The following ENOX1 variants were observed in gnomAD, a reference collection of about 807,000 sequenced individuals.
ENOX1 encodes ecto-NOX disulfide-thiol exchanger 1, also known as candidate growth-related and time keeping constitutive hydroquinone (NADH) oxidase.
ENOX1 carries 42 observed loss-of-function variants against 82.5 expected under a neutral mutation model. The observed-to-expected ratio is 0.51, with a 90% CI of 0.40 to 0.66. The LOEUF (loss-of-function observed/expected upper bound fraction) is 0.66, where lower values mean the gene tolerates loss of function less well. Among genes scored for constraint, ENOX1 ranks in the 30% least tolerant of loss-of-function variants. ENOX1 has a pLI of 0.00. For missense variants in ENOX1, 608 were observed against 811.6 expected (o/e 0.75, Z 3.05); for synonymous variants, 271 against 282.2 (o/e 0.96, Z 0.40).
At chr13:43,655,773 G>C (rs1385953111) in intron 2 of ENOX1, among the ~76,000 whole-genome samples, 1 of 152,160 alleles carries the variant, frequency 6.6e-6, no homozygotes, top group African/African-American at 2.4e-5. Context: ...CTGTTCTCCA[G>C]ATAGCAGGAC....
intron 1 of ENOX1, among the ~76,000 whole-genome samples, chr13:43,687,049 T>C (rs1054519694): frequency 6.6e-6 from 1 of 152,198 alleles, no homozygotes; most frequent in Admixed American, 6.5e-5. Context: ...AACGACGGAA[T>C]TTGATTCCTC....
chr13:43,420,442 A>G (rs986981887), intron 3 of ENOX1, among the ~76,000 whole-genome samples: 1 of 152,224 alleles, frequency 6.6e-6, no homozygotes. Flanking sequence ...TGATTATTGT[A>G]GTGGGTTACT....
chr13:43,358,704 G>C (rs557473317), intron 7 of ENOX1, among the ~76,000 whole-genome samples: 1 of 152,300 alleles, frequency 6.6e-6, no homozygotes, highest in South Asian at 2.1e-4. Flanking sequence ...ACGAGGTCAT[G>C]CTGTTACTAT....
intron 2 of ENOX1, among the ~76,000 whole-genome samples, chr13:43,614,020 C>T (rs917744620): frequency 1.3e-4 from 20 of 152,140 alleles, no homozygotes; most frequent in African/African-American, 4.6e-4. Context: ...TGTCAGCTGT[C>T]CTAGGAATGC....
At chr13:43,628,360 C>G (rs1424801776) in intron 2 of ENOX1, among the ~76,000 whole-genome samples, 2 of 152,158 alleles carry the variant, frequency 1.3e-5, no homozygotes, top group East Asian at 1.9e-4. Context: ...GTTATTGATG[C>G]CTTCCTTTCT....
intron 2 of ENOX1, among the ~76,000 whole-genome samples, chr13:43,612,469 C>T (rs74772686): frequency 0.011 from 1,696 of 152,186 alleles, 22 homozygotes; most frequent in African/African-American, 0.033. Flanking sequence ...ATAGAAGCAA[C>T]ATCTTTGTTG....
intron 1 of ENOX1, among the ~76,000 whole-genome samples, chr13:43,749,025 T>G (rs982646472): frequency 6.6e-6 from 1 of 152,146 alleles, no homozygotes; most frequent in Non-Finnish European, 1.5e-5. Context: ...TGCCATAGGG[T>G]TGTTATGAAG....
At chr13:43,519,013 A>T (rs2077660811) in intron 2 of ENOX1, among the ~76,000 whole-genome samples, 2 of 152,190 alleles carry the variant, frequency 1.3e-5, no homozygotes, top group African/African-American at 4.8e-5. Context: ...CCATGTCAAG[A>T]GTCCTTAGCA....
Position 43,582,400 on chromosome 13 carries a change from A to G in ENOX1, c.-219+85079T>C, listed in dbSNP as rs1304632685. ...CTACAGAAAGCAGAAAAAGTAATAAATATACAGAAATATAAATTAACTGAA... is the reference window on the plus strand; with the variant it reads ...CTACAGAAAGCAGAAAAAGTAATAAGTATACAGAAATATAAATTAACTGAA... On this transcript the variant is annotated intron_variant, in intron 2 of 16. Transcript: ENST00000690772. Among the ~76,000 whole-genome samples, 3 of 152,182 alleles carry G rather than the reference A, an allele frequency of 2.0e-5. No individual in the cohort carries two copies. In the East Asian group the frequency reaches 5.8e-4, roughly 29 times the overall value.
chr13:43,740,641 T>C (rs2089862620), intron 1 of ENOX1, among the ~76,000 whole-genome samples: 1 of 152,000 alleles, frequency 6.6e-6, no homozygotes, highest in South Asian at 2.1e-4. Flanking sequence ...CTACCCTCCA[T>C]CCTTGTTACT....
intron 3 of ENOX1, among the ~76,000 whole-genome samples, chr13:43,444,534 T>A (rs1404119009): frequency 6.6e-6 from 1 of 152,198 alleles, no homozygotes; most frequent in African/African-American, 2.4e-5. Flanking sequence ...CAAATGAAGA[T>A]GGCCGGTAAA....
intron 14 of ENOX1, among the ~76,000 whole-genome samples, chr13:43,248,034 C>T (rs1189053849): frequency 1.6e-4 from 23 of 148,010 alleles, no homozygotes; most frequent in Admixed American, 1.5e-3. Flanking sequence ...TACAGGCGCC[C>T]GCCACTACGC....
At chr13:43,470,341 CG>C (rs2057975903) in intron 3 of ENOX1, among the ~76,000 whole-genome samples, 2 of 8,048 alleles carry the variant, frequency 2.5e-4, no homozygotes, top group Non-Finnish European at 4.7e-4. Flanking sequence ...TATATATATA[CG>C]TATATATATA....
intron 1 of ENOX1, among the ~76,000 whole-genome samples, chr13:43,714,043 G>T (rs1271832248): frequency 7.1e-6 from 1 of 140,878 alleles, no homozygotes; most frequent in Non-Finnish European, 1.5e-5. Context: ...TTTCTCTTGT[G>T]GGCATTTAGT....
At chr13:43,252,297 GA>G (rs951465233) in intron 14 of ENOX1, among the ~76,000 whole-genome samples, 8 of 151,204 alleles carry the variant, frequency 5.3e-5, no homozygotes, top group African/African-American at 9.7e-5. Context: ...GTTTTTCTTG[GA>G]AAAAAAAATT....
intron 3 of ENOX1, among the ~76,000 whole-genome samples, chr13:43,437,291 A>G: frequency 6.6e-6 from 1 of 152,276 alleles, no homozygotes; most frequent in Non-Finnish European, 1.5e-5. Context: ...TTTCAGCCTG[A>G]CGTGGTGATG....
chr13:43,544,700 T>G (rs1188707697), intron 2 of ENOX1: 1 of 152,096 alleles, frequency 6.6e-6, no homozygotes, highest in Non-Finnish European at 1.5e-5. Context: ...GAACCGCCTA[T>G]CTCCCAAATG....
rs2153446678 is a variant in ENOX1, at chr13:43,213,429, T to C, written c.*561A>G. The C allele has an allele frequency of 6.6e-6, 1 of 152,224 alleles. No homozygotes were observed. Among genetic ancestry groups the C allele is most frequent in the South Asian group, 2.1e-4 (1 of 4,818 alleles). The allele number at this position is 152,224 out of a possible 1,614,324, so 9.4% of individuals were successfully genotyped here. A position where few individuals can be genotyped will look rare whatever the true frequency, so the allele number is the denominator to read the frequency against. ...TAAGGCAAAAGTCCCTGGAACAGCA[T>C]ATAACTTAATTTACAAAATACAATA... is the stretch of plus-strand genomic sequence containing the variant. On this transcript the variant is annotated 3_prime_UTR_variant, in exon 17 of 17. Transcript: ENST00000690772.
intron 1 of ENOX1, among the ~76,000 whole-genome samples, chr13:43,772,281 T>TA: frequency 6.6e-6 from 1 of 152,160 alleles, no homozygotes; most frequent in African/African-American, 2.4e-5. Context: ...GAAGATAATC[T>TA]AAAATAAACA....
Sources: gnomAD v4.1 joint callset for allele counts (sites outside exome capture counted in the v4.1 genomes callset) on GRCh38, gnomAD v4.1.1 for gene constraint, MANE v1.5 for transcripts, NCBI Gene and HGNC (gene_info 2026-07-23, HGNC 2026-07-21) for gene names.